The following NFX1 variants were observed in gnomAD, a reference collection of about 807,000 sequenced individuals.
NFX1 encodes the protein nuclear transcription factor, X-box binding 1, also known as transcriptional repressor NF-X1.
Under a neutral mutation model 137.2 loss-of-function variants are expected in NFX1, and 69 were observed. The ratio of observed to expected loss-of-function variants is 0.50; its 90% CI spans 0.41 to 0.61. The LOEUF (loss-of-function observed/expected upper bound fraction) is 0.61. Among genes scored for constraint, NFX1 ranks in the 20% least tolerant of loss-of-function variants. NFX1 has a pLI of 0.00. For synonymous variants in NFX1, 495 were observed against 474.1 expected (o/e 1.04, Z -0.57); for missense variants, 1,167 against 1,391.0 (o/e 0.84, Z 2.56).
chr9:33,300,781 T>C (rs1393120352), intron 2 of NFX1, among the ~76,000 whole-genome samples: 2 of 152,244 alleles, frequency 1.3e-5, no homozygotes, highest in African/African-American at 4.8e-5. Context: ...CTAAAGACTT[T>C]GAGGGCAACG....
intron 2 of NFX1, 104 bp downstream of exon 2, chr9:33,295,531 C>T: frequency 7.7e-7 from 1 of 1,292,080 alleles, no homozygotes; most frequent in South Asian, 1.6e-5. Flanking sequence ...TGGAAAGTTA[C>T]ACTGTAAAAA....
At chr9:33,314,144 T>C (rs1403592353) in intron 7 of NFX1, among the ~76,000 whole-genome samples, 6 of 151,966 alleles carry the variant, frequency 3.9e-5, no homozygotes, top group Non-Finnish European at 7.4e-5. Context: ...CTATCACGCC[T>C]TGCTAATTTT....
At position 33,307,249 on chromosome 9, in the gene NFX1, G is replaced by A; in HGVS notation, c.1326G>A (p.Glu442=). The A allele has an allele frequency of 6.2e-7, 1 of 1,614,164 alleles. No individual in the cohort carries two copies. Among genetic ancestry groups the A allele is most frequent in the South Asian group, 1.1e-5 (1 of 91,080 alleles). ...ATGAAATTCCACATAGCTGTGGTGA[G>A]GTTTGTAGAAAGAAACAGCCTGGCC... ...SRNEIPHSCG[E]VCRKKQPGQD... The change falls in exon 5 of 24, where the codon GAG becomes GAA. Residue 442 remains glutamate (E), a synonymous_variant. Coordinates refer to ENST00000379540, the MANE Select transcript of NFX1 (RefSeq NM_002504.6).
intron 9 of NFX1, among the ~76,000 whole-genome samples, chr9:33,322,354 C>G (rs1024520411): frequency 2.0e-5 from 3 of 152,072 alleles, no homozygotes; most frequent in African/African-American, 7.2e-5. Flanking sequence ...CCCCTCAGCT[C>G]AGCTTGACAG....
rs190293221 is a variant in NFX1 at position 33,352,784 on chromosome 9, G to A, written c.2729+65G>A. ...GAAACAGATACATGTGTTTTGTTTT[G>A]TTTTTAAAGCTAGTCAAGTGAAGCA... On this transcript the variant is annotated intron_variant, in intron 17 of 23. Coordinates refer to ENST00000379540, the MANE Select transcript of NFX1 (RefSeq NM_002504.6). 64 of 1,398,000 alleles carry A rather than the reference G, an allele frequency of 4.6e-5. No homozygotes were observed. In the African/African-American group the frequency reaches 7.5e-4, roughly 16 times the overall value. 86.6% of individuals were successfully genotyped at this position (1,398,000 alleles called of 1,614,324 possible).
intron 5 of NFX1, among the ~76,000 whole-genome samples, chr9:33,308,653 AT>A (rs1821848196): frequency 6.6e-6 from 1 of 152,232 alleles, no homozygotes; most frequent in Admixed American, 6.5e-5. Flanking sequence ...CATCTGTAAA[AT>A]AATAATGATA....
chr9:33,333,179 G>A (rs1414250250), intron 11 of NFX1, among the ~76,000 whole-genome samples: 2 of 152,090 alleles, frequency 1.3e-5, no homozygotes, highest in Non-Finnish European at 2.9e-5. Context: ...ACATACTGTT[G>A]TTGAAGCCAT....
At chr9:33,299,036 C>G (rs1821458885) in intron 2 of NFX1, among the ~76,000 whole-genome samples, 1 of 152,176 alleles carries the variant, frequency 6.6e-6, no homozygotes, top group African/African-American at 2.4e-5. Context: ...AGGTGTTTGT[C>G]TGTAAAATGT....
intron 2 of NFX1, 145 bp from the exon 3 acceptor site, chr9:33,301,118 C>T (rs1257138421): frequency 2.8e-6 from 2 of 726,918 alleles, no homozygotes; most frequent in Non-Finnish European, 4.3e-6. Context: ...GAATAGCCAG[C>T]TGCCTTACCC....
intron 19 of NFX1, among the ~76,000 whole-genome samples, chr9:33,360,755 G>A (rs1823962625): frequency 6.6e-6 from 1 of 152,108 alleles, no homozygotes; most frequent in Admixed American, 6.5e-5. Context: ...TGAATTAGTG[G>A]CCAACTAACC....
chr9:33,343,595 G>A (rs1308938653), intron 13 of NFX1, among the ~76,000 whole-genome samples: 4 of 152,110 alleles, frequency 2.6e-5, no homozygotes, highest in African/African-American at 4.8e-5. Flanking sequence ...ATTTTAGAAA[G>A]GACTTGACTC....
rs1207986201 is a variant in NFX1 at position 33,318,935 on chromosome 9, T to G, written c.1714T>G (p.Cys572Gly). 7 of 1,614,266 alleles carry G rather than the reference T, an allele frequency of 4.3e-6. No individual in the cohort carries two copies. Among genetic ancestry groups the G allele is most frequent in the Non-Finnish European group, 5.9e-6 (7 of 1,180,046 alleles). The change falls in exon 9 of 24, where the codon TGT (cysteine) becomes GGT (glycine). Residue 572 changes from cysteine (C) to glycine (G), a missense_variant. Coordinates refer to ENST00000379540, the MANE Select transcript of NFX1 (RefSeq NM_002504.6). ...GGACTTGAAATGCGGTAACCATACA[T>G]GTTCGCAAGTGTGCCACCCTCAGCC... The part of the protein sequence containing the change: ...GKDLKCGNHT[C>G]SQVCHPQPCQ...
chr9:33,298,805 C>G (rs1469094187), intron 2 of NFX1, among the ~76,000 whole-genome samples: 4 of 151,918 alleles, frequency 2.6e-5, no homozygotes, highest in African/African-American at 9.7e-5. Flanking sequence ...TATTATTAAG[C>G]TGCTGTGTGG....
At chr9:33,344,854 G>C (rs1414871851) in intron 14 of NFX1, among the ~76,000 whole-genome samples, 1 of 144,762 alleles carries the variant, frequency 6.9e-6, no homozygotes, top group Non-Finnish European at 1.5e-5. Flanking sequence ...GACAGACCAA[G>C]ACTCTGTCTC....
intron 4 of NFX1, among the ~76,000 whole-genome samples, 155 bp from the exon 5 acceptor site, chr9:33,307,039 T>C (rs1438365890): frequency 1.3e-5 from 2 of 152,246 alleles, no homozygotes; most frequent in African/African-American, 4.8e-5. Flanking sequence ...GCATTATATT[T>C]ATCTTTTTAT....
At chr9:33,369,790 T>C (rs910319543) in intron 23 of NFX1, 116 bp from the exon 24 acceptor site, 16 of 790,560 alleles carry the variant, frequency 2.0e-5, no homozygotes, top group African/African-American at 7.1e-5. Flanking sequence ...AAAATAAAAA[T>C]AAAATAAATG....
intron 10 of NFX1, among the ~76,000 whole-genome samples, chr9:33,330,652 G>C (rs1214466049): frequency 1.3e-5 from 2 of 152,160 alleles, no homozygotes; most frequent in Non-Finnish European, 2.9e-5. Flanking sequence ...GCTGCTGTCA[G>C]TTTTCTTCAT....
intron 9 of NFX1, among the ~76,000 whole-genome samples, chr9:33,325,498 C>A (rs922968551): frequency 6.6e-6 from 1 of 152,030 alleles, no homozygotes; most frequent in African/African-American, 2.4e-5. Flanking sequence ...CCTGTCTCTA[C>A]TAAAAAATAC....
Position 33,367,558 on chromosome 9 carries a change from GA to G in NFX1, c.3232del (p.Arg1078GlyfsTer30). On this transcript the variant is annotated frameshift_variant, in exon 23 of 24. Transcript: ENST00000379540. LOFTEE classifies it high-confidence loss of function. The part of the protein sequence containing the change: ...CPPTTLTGVL[E>X]REMQARPPPP... ...TCCTACCACGCTGACAGGTGTGCTT[GA>G]AAGGGAAATGCAGGCACGGCCTCCA... is the stretch of plus-strand genomic sequence containing the variant. 6.2e-7 allele frequency: 1 copy of G among 1,613,980 alleles called. No individual in the cohort carries two copies. Among genetic ancestry groups the G allele is most frequent in the Non-Finnish European group, 8.5e-7 (1 of 1,179,886 alleles).
Sources: allele counts gnomAD v4.1 joint callset (sites outside exome capture counted in the v4.1 genomes callset), GRCh38; gene constraint gnomAD v4.1.1; transcripts MANE v1.5; gene names NCBI Gene and HGNC (gene_info 2026-07-23, HGNC 2026-07-21).